The following ZNF519 variants were observed in gnomAD, a reference collection of about 807,000 sequenced individuals.
ZNF519 encodes similar to Zinc finger protein 85 (Zinc finger protein HPF4) (HTF1).
ZNF519 carries 7 observed loss-of-function variants against 7.4 expected under a neutral mutation model. That is an observed-to-expected ratio of 0.94 (90% CI 0.54 to 1.77). ZNF519 has a LOEUF of 1.77. ZNF519 is among the 40% of genes most tolerant of loss of function. ZNF519 has a pLI of 0.00. For missense variants in ZNF519, 586 were observed against 623.1 expected (o/e 0.94, Z 0.63); for synonymous variants, 179 against 203.3 (o/e 0.88, Z 1.02).
At chr18:14,079,943 A>T (rs1302444068) in intron 3 of ZNF519, among the ~76,000 whole-genome samples, 2 of 152,216 alleles carry the variant, frequency 1.3e-5, no homozygotes, top group Non-Finnish European at 2.9e-5. Flanking sequence ...TCTGTGAAAG[A>T]CAATATCAAG....
intron 2 of ZNF519, among the ~76,000 whole-genome samples, chr18:14,118,371 C>G (rs1355146980): frequency 6.6e-6 from 1 of 152,148 alleles, no homozygotes; most frequent in Non-Finnish European, 1.5e-5. Flanking sequence ...ATGAATTATT[C>G]TTTAGCCTCA....
intron 2 of ZNF519, among the ~76,000 whole-genome samples, chr18:14,112,351 A>T (rs776924137): frequency 8.5e-5 from 13 of 152,164 alleles, no homozygotes; most frequent in Non-Finnish European, 1.8e-4. Context: ...CACTCACATT[A>T]TATGATACTA....
At chr18:14,080,866 C>G (rs2046068427) in intron 3 of ZNF519, among the ~76,000 whole-genome samples, 1 of 151,994 alleles carries the variant, frequency 6.6e-6, no homozygotes, top group Non-Finnish European at 1.5e-5. Flanking sequence ...TGCTATCGAG[C>G]CTGAAAATAC....
intron 2 of ZNF519, among the ~76,000 whole-genome samples, chr18:14,118,965 A>G (rs144866554): frequency 6.6e-6 from 1 of 152,266 alleles, no homozygotes; most frequent in East Asian, 1.9e-4. Flanking sequence ...CACCTGGTAT[A>G]TGGCTCATCA....
downstream of ZNF519, among the ~76,000 whole-genome samples, chr18:14,096,925 T>C (rs2046139208): frequency 6.6e-6 from 1 of 152,170 alleles, no homozygotes; most frequent in Non-Finnish European, 1.5e-5. Flanking sequence ...GGATCCAGGT[T>C]GTTGGCCATT....
At chr18:14,072,283 G>T (rs12605480), downstream of ZNF519, 1 of 151,978 alleles carries the variant, frequency 6.6e-6, no homozygotes, top group Non-Finnish European at 1.5e-5. Flanking sequence ...AGTTACAGTA[G>T]CAAGATATTA....
downstream of ZNF519, chr18:14,073,242 A>ATATTTATTTATTTATTTATTTATT (rs140671222): frequency 6.8e-6 from 1 of 146,508 alleles, no homozygotes; most frequent in Non-Finnish European, 1.5e-5. Flanking sequence ...TTTTATTTTT[A>ATATTTATTTATTTATTTATTTATT]TATTTATTTA....
intron 3 of ZNF519, among the ~76,000 whole-genome samples, chr18:14,084,615 G>C (rs1327759969): frequency 2.0e-5 from 3 of 152,024 alleles, no homozygotes; most frequent in Admixed American, 6.6e-5. Flanking sequence ...CCCTTCTCCT[G>C]GTCCTGAGCT....
chr18:14,079,108 G>A (rs1383415796), intron 3 of ZNF519, among the ~76,000 whole-genome samples: 1 of 152,172 alleles, frequency 6.6e-6, no homozygotes, highest in Admixed American at 6.5e-5. Context: ...TTTTCCTTTG[G>A]TGTTTGTATC....
chr18:14,099,578 A>G (rs1454215385), downstream of ZNF519, among the ~76,000 whole-genome samples: 1 of 152,224 alleles, frequency 6.6e-6, no homozygotes, highest in Non-Finnish European at 1.5e-5. Flanking sequence ...TAATAAGTGA[A>G]TATTAAATAT....
chr18:14,118,687 G>T (rs1227310677), intron 2 of ZNF519, among the ~76,000 whole-genome samples: 4 of 152,146 alleles, frequency 2.6e-5, no homozygotes, highest in Middle Eastern at 3.2e-3. Flanking sequence ...TCTTACTGAG[G>T]ATCCTGAAGC....
At chr18:14,088,451 A>C (rs968386826) in intron 2 of ZNF519, among the ~76,000 whole-genome samples, 1 of 152,192 alleles carries the variant, frequency 6.6e-6, no homozygotes, top group Non-Finnish European at 1.5e-5. Flanking sequence ...CAACAAGAAA[A>C]TGTGATTTGT....
At position 14,106,161 on chromosome 18, in the gene ZNF519, T is replaced by C; in HGVS notation, c.379A>G (p.Lys127Glu). Reference sequence around the variant, plus strand: ...GGAGCAGCTGACAGAAACTGAGGCTTCTTCTGAAATATTCTATATTCTTTG... The same window carrying C: ...GGAGCAGCTGACAGAAACTGAGGCTCCTTCTGAAATATTCTATATTCTTTG... Reference protein sequence around the residue: ...GDKEYRIFQKKPQFLSAAPTE... With the variant: ...GDKEYRIFQKEPQFLSAAPTE... Residue 127 changes from lysine to glutamate, a missense_variant, in exon 3 of 3, where the codon AAG becomes GAG. Physicochemically the swap from Lys to Glu is moderately conservative, Grantham distance 56 (BLOSUM62 1). Coordinates refer to ENST00000590202, the MANE Select transcript of ZNF519 (RefSeq NM_145287.4). The C allele has an allele frequency of 6.2e-7, 1 of 1,611,754 alleles. No homozygotes were observed. Among genetic ancestry groups the C allele is most frequent in the Non-Finnish European group, 8.5e-7 (1 of 1,179,440 alleles).
intron 2 of ZNF519, among the ~76,000 whole-genome samples, chr18:14,106,911 G>A (rs934951946): frequency 4.6e-5 from 7 of 152,122 alleles, no homozygotes; most frequent in African/African-American, 1.4e-4. Flanking sequence ...ATTTCAACTG[G>A]CCCTGGGCAG....
chr18:14,132,250 G>T (rs756366755), intron 1 of ZNF519, 25 bp downstream of exon 1: 1 of 1,613,442 alleles, frequency 6.2e-7, no homozygotes, highest in East Asian at 2.2e-5. Flanking sequence ...CCCCAGTCTC[G>T]GTACGCCCTG....
At position 14,103,065 on chromosome 18, in the gene ZNF519, TATAA is replaced by T. The variant is rs1304702330; in HGVS notation, c.*1848_*1851del. The T allele has an allele frequency of 1.3e-5, 2 of 152,112 alleles. No individual in the cohort carries two copies. The highest frequency in any genetic ancestry group is 1.5e-5 in the Non-Finnish European group (1 of 68,002). 9.4% of individuals were successfully genotyped at this position (152,112 alleles called of 1,614,324 possible). ...CAACTATACTGATAATATTACAGGC[TATAA>T]ATAGATTAAATAATCAAATCCATTA... is the stretch of plus-strand genomic sequence containing the variant. On this transcript the variant is annotated 3_prime_UTR_variant, in exon 3 of 3. Coordinates refer to ENST00000590202, the MANE Select transcript of ZNF519 (RefSeq NM_145287.4).
In ZNF519 at chr18:14,108,968, A is replaced by C. The variant is rs376037585; in HGVS notation, c.131-2559T>G. 4.7e-4 allele frequency among the ~76,000 whole-genome samples: 72 copies of C among 151,938 alleles called. 2 individuals are homozygous for C. The East Asian group carries it at 0.014, about 29-fold the overall frequency. ...ACAACAACAACAAAATTATCCGGGCATGGTGGCACATGCCTGTAATCCCAG... is the reference window on the plus strand; with the variant it reads ...ACAACAACAACAAAATTATCCGGGCCTGGTGGCACATGCCTGTAATCCCAG... On this transcript the variant is annotated intron_variant, in intron 2 of 2. Coordinates refer to ENST00000590202, the MANE Select transcript of ZNF519 (RefSeq NM_145287.4).
In ZNF519 at chr18:14,121,708, A is replaced by C. The variant is rs546348972; in HGVS notation, c.130+2642T>G. On this transcript the variant is annotated intron_variant, in intron 2 of 2. Transcript: ENST00000590202. ...GCTTCTAAGAACTATCAACATTAAG[A>C]ACTGAGTATACACATATACGATTTA... The C allele has an allele frequency of 2.6e-5, 4 of 152,316 alleles. No homozygotes were observed. The East Asian group carries it at 7.7e-4, about 29-fold the overall frequency. 9.4% of individuals were successfully genotyped at this position (152,316 alleles called of 1,614,324 possible). A position where few individuals can be genotyped will look rare whatever the true frequency, so the allele number is the denominator to read the frequency against.
chr18:14,126,652 A>C (rs1456445485), intron 1 of ZNF519, among the ~76,000 whole-genome samples: 1 of 152,218 alleles, frequency 6.6e-6, no homozygotes, highest in Non-Finnish European at 1.5e-5. Context: ...AAATAGAAGC[A>C]GGTAGCTTAT....
Sources: gnomAD v4.1 joint callset for allele counts (sites outside exome capture counted in the v4.1 genomes callset) on GRCh38, gnomAD v4.1.1 for gene constraint, MANE v1.5 for transcripts, NCBI Gene and HGNC (gene_info 2026-07-23, HGNC 2026-07-21) for gene names.